The following CFAP299 variants were observed in gnomAD, a reference collection of about 807,000 sequenced individuals.
The protein encoded by CFAP299 is cilia- and flagella-associated protein 299.
A neutral mutation model predicts 27.0 loss-of-function variants in CFAP299; 21 were observed. The ratio of observed to expected loss-of-function variants is 0.78; its 90% CI spans 0.55 to 1.12. The LOEUF is 1.12. Ranked by LOEUF, CFAP299 falls within the 50% of genes most tolerant of loss-of-function variation. The pLI is 0.00. For synonymous variants in CFAP299, 104 were observed against 98.1 expected, an observed-to-expected ratio of 1.06 and a Z score of -0.36; for missense variants, 310 against 276.6, an observed-to-expected ratio of 1.12 and a Z score of -0.86.
rs186764536 is a variant in CFAP299 at position 80,384,426 on chromosome 4, A to G, written c.242+21542A>G. Among the ~76,000 whole-genome samples the G allele has an allele frequency of 1.1e-3, 168 of 152,316 alleles. 1 individual carries two copies. The highest frequency in any genetic ancestry group is 3.4e-3 in the Middle Eastern group (1 of 294). ...ATCTTGAGTTTATGAAGAGTCTGGC[A>G]TTCAGTTAGTAATGTTTCACTTGTA... On this transcript the variant is annotated intron_variant, in intron 2 of 5. Coordinates refer to ENST00000358105, the MANE Select transcript of CFAP299 (RefSeq NM_152770.3).
At chr4:80,849,353 G>A (rs1270527530) in intron 3 of CFAP299, among the ~76,000 whole-genome samples, 2 of 152,126 alleles carry the variant, frequency 1.3e-5, no homozygotes, top group African/African-American at 4.8e-5. Context: ...ATGCTGTTAT[G>A]GGGTACATGG....
At chr4:80,814,858 G>A (rs72881504) in intron 3 of CFAP299, among the ~76,000 whole-genome samples, 1 of 151,892 alleles carries the variant, frequency 6.6e-6, no homozygotes, top group Non-Finnish European at 1.5e-5. Flanking sequence ...ACAAAATTTG[G>A]TCCCCAGGTA....
At chr4:80,899,504 T>C (rs575633940) in intron 4 of CFAP299, among the ~76,000 whole-genome samples, 8 of 152,230 alleles carry the variant, frequency 5.3e-5, no homozygotes, top group African/African-American at 1.7e-4. Flanking sequence ...AATCTTATCA[T>C]GGGACTCAAG....
chr4:80,487,665 G>A (rs1730897085), intron 2 of CFAP299, among the ~76,000 whole-genome samples: 1 of 152,174 alleles, frequency 6.6e-6, no homozygotes, highest in African/African-American at 2.4e-5. Context: ...GAAAAAAGAG[G>A]AATAAGTATG....
intron 3 of CFAP299, among the ~76,000 whole-genome samples, chr4:80,584,136 AG>A (rs1429200469): frequency 1.3e-5 from 2 of 152,042 alleles, no homozygotes; most frequent in Non-Finnish European, 2.9e-5. Context: ...AGGTTTTAAA[AG>A]GGTGAGGATG....
intron 3 of CFAP299, among the ~76,000 whole-genome samples, chr4:80,818,150 A>G (rs956643024): frequency 6.6e-6 from 1 of 151,788 alleles, no homozygotes. Flanking sequence ...AGGGCTTCCA[A>G]CTCCATCCAT....
chr4:80,327,701 T>TATATATATATAACTTCAATAC, the CFAP299 span, among the ~76,000 whole-genome samples: 3 of 61,178 alleles, frequency 4.9e-5, no homozygotes, highest in East Asian at 5.3e-4. Flanking sequence ...TATATATATA[T>TATATATATATAACTTCAATAC]ATATATATAT....
Position 80,501,853 on chromosome 4 carries a change from T to G in CFAP299, c.243-81240T>G, listed in dbSNP as rs543637177. On this transcript the variant is annotated intron_variant, in intron 2 of 5. Coordinates refer to ENST00000358105, the MANE Select transcript of CFAP299 (RefSeq NM_152770.3). Reference sequence around the variant, plus strand: ...GTCTCTTTTCTTTTATTCTTCAGGATGTATTTTAATTAGTCTGATCATTTT... The same window carrying G: ...GTCTCTTTTCTTTTATTCTTCAGGAGGTATTTTAATTAGTCTGATCATTTT... Among the ~76,000 whole-genome samples the G allele has an allele frequency of 2.0e-5, 3 of 152,042 alleles. No individual in the cohort carries two copies. The South Asian group carries it at 6.2e-4, about 31-fold the overall frequency.
At chr4:80,774,950 G>T (rs534119396) in intron 3 of CFAP299, among the ~76,000 whole-genome samples, 41 of 151,820 alleles carry the variant, frequency 2.7e-4, no homozygotes, top group African/African-American at 9.9e-4. Flanking sequence ...GGTGAATATT[G>T]CTATTAAAAA....
Position 80,445,669 on chromosome 4 carries a change from T to C in CFAP299, c.242+82785T>C, listed in dbSNP as rs1381948588. The stretch of plus-strand genomic sequence containing the variant: ...CACATGTATCCCAGAACTTAAAGTA[T>C]ATTAAAAAAAAAACATTTAAAGTAT... On this transcript the variant is annotated intron_variant, in intron 2 of 5. Transcript: ENST00000358105. 9.2e-5 allele frequency among the ~76,000 whole-genome samples: 14 copies of C among 152,114 alleles called. No homozygotes were observed. In the East Asian group the frequency reaches 2.3e-3, roughly 25 times the overall value.
chr4:80,646,980 AGAGAGAGAGTGTGTGT>A (rs1193319047), intron 3 of CFAP299, among the ~76,000 whole-genome samples: 11 of 64,424 alleles, frequency 1.7e-4, no homozygotes, highest in Non-Finnish European at 4.1e-4. Flanking sequence ...AGAGAGAGAG[AGAGAGAGAGTGTGTGT>A]GTGTGTGTGT....
At chr4:80,485,273 T>TTA (rs372642463) in intron 2 of CFAP299, among the ~76,000 whole-genome samples, 2 of 149,092 alleles carry the variant, frequency 1.3e-5, no homozygotes, top group African/African-American at 4.9e-5. Flanking sequence ...ATATGAAATT[T>TTA]TATATATATA....
intron 3 of CFAP299, among the ~76,000 whole-genome samples, chr4:80,704,814 G>A (rs888991709): frequency 1.3e-5 from 2 of 151,704 alleles, no homozygotes; most frequent in African/African-American, 2.4e-5. Flanking sequence ...CAATTCTAAT[G>A]TTTTCTGTTT....
At chr4:80,810,362 A>ACACG (rs753109869) in intron 3 of CFAP299, among the ~76,000 whole-genome samples, 43 of 151,900 alleles carry the variant, frequency 2.8e-4, no homozygotes, top group Non-Finnish European at 5.6e-4. Flanking sequence ...ACACACACAC[A>ACACG]CACACACACA....
In CFAP299 at chr4:80,955,703, T is replaced by G. The variant is rs563814275; in HGVS notation, c.607-7814T>G. On this transcript the variant is annotated intron_variant, in intron 5 of 5. Transcript: ENST00000358105. The stretch of plus-strand genomic sequence containing the variant: ...ACACTATTAAGTGAAAAAAGCAAAT[T>G]GAAAATAATGTAGCTAGGCCAGGCG... 3.9e-5 allele frequency among the ~76,000 whole-genome samples: 6 copies of G among 152,190 alleles called. No individual in the cohort carries two copies. In the South Asian group the frequency reaches 1.2e-3, roughly 32 times the overall value.
chr4:80,661,571 C>T (rs746465005), intron 3 of CFAP299, among the ~76,000 whole-genome samples: 10 of 152,108 alleles, frequency 6.6e-5, no homozygotes, highest in Non-Finnish European at 1.0e-4. Context: ...CCTATCTTTA[C>T]GTTAATCTCT....
At chr4:80,560,253 T>C (rs974571618) in intron 2 of CFAP299, among the ~76,000 whole-genome samples, 1 of 152,022 alleles carries the variant, frequency 6.6e-6, no homozygotes, top group Non-Finnish European at 1.5e-5. Context: ...TACCCAGTCC[T>C]GGAAGCATTT....
chr4:80,924,064 G>A (rs145382648), intron 4 of CFAP299, among the ~76,000 whole-genome samples: 1 of 151,988 alleles, frequency 6.6e-6, no homozygotes, highest in Non-Finnish European at 1.5e-5. Context: ...AATAACAGTT[G>A]ATTCTAGAAG....
At chr4:80,418,205 G>A (rs1005716627) in intron 2 of CFAP299, among the ~76,000 whole-genome samples, 2 of 151,760 alleles carry the variant, frequency 1.3e-5, no homozygotes, top group East Asian at 3.9e-4. Flanking sequence ...TAAATTTTGT[G>A]ATTCTGGAAG....
Sources: allele counts gnomAD v4.1 joint callset (sites outside exome capture counted in the v4.1 genomes callset), GRCh38; gene constraint gnomAD v4.1.1; transcripts MANE v1.5; gene names NCBI Gene and HGNC (gene_info 2026-07-23, HGNC 2026-07-21).